Variants in AFF3 observed in about 807,000 individuals in gnomAD.
AFF3 encodes AF4/FMR2 family member 3.
A neutral mutation model predicts 129.7 loss-of-function variants in AFF3; 32 were observed. The observed-to-expected ratio is 0.25, with a 90% confidence interval of 0.19 to 0.33. The LOEUF (loss-of-function observed/expected upper bound fraction) is 0.33. AFF3 is among the 10% of genes least tolerant of loss of function. The pLI is 1.00. For synonymous variants in AFF3, 644 were observed against 635.4 expected (o/e 1.01, Z -0.20); for missense variants, 1,373 against 1,592.0 (o/e 0.86, Z 2.34).
At chr2:100,136,041 G>A (rs559916308) in intron 1 of AFF3, among the ~76,000 whole-genome samples, 5 of 152,328 alleles carry the variant, frequency 3.3e-5, no homozygotes, top group African/African-American at 4.8e-5. Context: ...GCTTCGTGGG[G>A]ATGTGAGAAA....
intron 2 of AFF3, chr2:100,106,439 A>G (rs951169274): frequency 9.8e-7 from 1 of 1,020,170 alleles, no homozygotes; most frequent in African/African-American, 1.7e-5. Context: ...GGAAAAAGAA[A>G]AAAAAGAAAA....
intron 2 of AFF3, among the ~76,000 whole-genome samples, chr2:100,128,600 T>G (rs535905427): frequency 3.9e-5 from 6 of 152,178 alleles, no homozygotes; most frequent in Non-Finnish European, 5.9e-5. Context: ...CAAGGAGGCT[T>G]TGAATGCGGA....
chr2:99,664,536 C>A (rs187857823), intron 12 of AFF3, among the ~76,000 whole-genome samples: 117 of 152,232 alleles, frequency 7.7e-4, no homozygotes, highest in African/African-American at 1.7e-3. Context: ...CCTTTTTTCT[C>A]AAATAGGTTA....
intron 4 of AFF3, among the ~76,000 whole-genome samples, chr2:100,021,969 C>T (rs954822275): frequency 6.6e-6 from 1 of 152,212 alleles, no homozygotes; most frequent in African/African-American, 2.4e-5. Flanking sequence ...GTGACCACAA[C>T]TTCCACACAA....
intron 4 of AFF3, chr2:100,011,442 G>A: frequency 2.6e-6 from 2 of 780,460 alleles, no homozygotes; most frequent in South Asian, 1.3e-5. Context: ...CAGGCAGGTG[G>A]TCATTGAGAA....
rs1682069416 is a variant in AFF3 at position 100,007,360 on chromosome 2, A to G, written c.275T>C (p.Leu92Pro). 2.5e-6 allele frequency: 4 copies of G among 1,614,158 alleles called. No homozygotes were observed. Among genetic ancestry groups the G allele is most frequent in the Non-Finnish European group, 2.5e-6 (3 of 1,179,996 alleles). The part of the protein sequence containing the change: ...FLTDRSNQSH[L>P]VGVPKPGVPQ... The stretch of plus-strand genomic sequence containing the variant: ...AACCCCAGGTTTGGGAACTCCAACG[A>G]GATGACTCTGATTGGATCTATCAGT... Residue 92 changes from leucine to proline, a missense_variant, in exon 6 of 25, where the codon CTC becomes CCC. Leu to Pro is a moderately conservative substitution (Grantham distance 98, BLOSUM62 -3). Transcript: ENST00000672756.
intron 12 of AFF3, among the ~76,000 whole-genome samples, chr2:99,670,450 C>T (rs562980210): frequency 1.3e-5 from 2 of 152,024 alleles, no homozygotes; most frequent in African/African-American, 2.4e-5. Flanking sequence ...TTTGGGTTTA[C>T]GGTGCAAACT....
intron 4 of AFF3, among the ~76,000 whole-genome samples, chr2:100,074,585 C>T (rs766182712): frequency 1.1e-4 from 17 of 152,204 alleles, no homozygotes; most frequent in Non-Finnish European, 2.2e-4. Flanking sequence ...AAAAGGTCAA[C>T]ATATCCCAGC....
intron 4 of AFF3, among the ~76,000 whole-genome samples, chr2:100,016,142 T>C (rs543948719): frequency 1.3e-4 from 19 of 151,078 alleles, no homozygotes; most frequent in Middle Eastern, 3.4e-3. Context: ...GTGGTGATGG[T>C]GGTGGTGGTA....
At chr2:99,725,797 A>C (rs1311810695) in intron 11 of AFF3, among the ~76,000 whole-genome samples, 1 of 152,172 alleles carries the variant, frequency 6.6e-6, no homozygotes, top group African/African-American at 2.4e-5. Flanking sequence ...CAGTCTTTAA[A>C]ATAATTTCAT....
intron 11 of AFF3, among the ~76,000 whole-genome samples, chr2:99,675,353 T>C (rs2104492152): frequency 6.6e-6 from 1 of 152,252 alleles, no homozygotes; most frequent in East Asian, 1.9e-4. Context: ...TCCTGGGTGA[T>C]GCTATTCCCA....
intron 7 of AFF3, among the ~76,000 whole-genome samples, chr2:99,843,126 T>A (rs974185575): frequency 2.6e-5 from 4 of 152,234 alleles, no homozygotes; most frequent in Non-Finnish European, 2.9e-5. Flanking sequence ...AAAAGTTAGG[T>A]ATGCTGTCAA....
At chr2:99,883,649 TG>T (rs1191375368) in intron 7 of AFF3, among the ~76,000 whole-genome samples, 1 of 152,192 alleles carries the variant, frequency 6.6e-6, no homozygotes, top group Non-Finnish European at 1.5e-5. Flanking sequence ...GAAAATAACA[TG>T]ATCTTTCTTT....
intron 11 of AFF3, among the ~76,000 whole-genome samples, chr2:99,678,488 T>C (rs1161893443): frequency 2.0e-5 from 3 of 152,178 alleles, no homozygotes; most frequent in Non-Finnish European, 4.4e-5. Flanking sequence ...AGAGTAGTGG[T>C]TTTTAATTAA....
intron 12 of AFF3, among the ~76,000 whole-genome samples, chr2:99,667,661 G>A (rs1477135599): frequency 2.0e-5 from 3 of 152,006 alleles, no homozygotes; most frequent in South Asian, 4.1e-4. Flanking sequence ...CTAATGAAAC[G>A]GGCTGACACT....
At chr2:99,935,900 C>T (rs985526763) in intron 7 of AFF3, among the ~76,000 whole-genome samples, 18 of 152,174 alleles carry the variant, frequency 1.2e-4, no homozygotes, top group African/African-American at 3.4e-4. Flanking sequence ...GAACTGAGAC[C>T]GTCTACGTGA....
At chr2:100,142,210 C>CCACA (rs374673903) in intron 1 of AFF3, among the ~76,000 whole-genome samples, 138 of 150,318 alleles carry the variant, frequency 9.2e-4, no homozygotes, top group African/African-American at 2.4e-3. Context: ...GCACCCTCTA[C>CCACA]CACACACACA....
intron 12 of AFF3, among the ~76,000 whole-genome samples, chr2:99,654,129 G>C (rs777620839): frequency 1.3e-4 from 20 of 152,050 alleles, no homozygotes; most frequent in Non-Finnish European, 2.5e-4. Context: ...ATCTGCCTGC[G>C]TCAGCCTCCC....
At chr2:99,900,955 G>A (rs144159873) in intron 7 of AFF3, among the ~76,000 whole-genome samples, 25 of 152,210 alleles carry the variant, frequency 1.6e-4, no homozygotes, top group African/African-American at 5.8e-4. Context: ...CTAAAGAGCC[G>A]CAAGTGCAGG....
Sources: allele counts gnomAD v4.1 joint callset (sites outside exome capture counted in the v4.1 genomes callset), GRCh38; gene constraint gnomAD v4.1.1; transcripts MANE v1.5; gene names NCBI Gene and HGNC (gene_info 2026-07-23, HGNC 2026-07-21).